Variants in PPP1R9A observed in about 807,000 individuals in gnomAD.
PPP1R9A encodes the protein neurabin-1.
In PPP1R9A, 59 loss-of-function variants were observed where a neutral mutation model predicts 141.9. The observed-to-expected ratio is 0.42, with a 90% CI of 0.34 to 0.52. The LOEUF (loss-of-function observed/expected upper bound fraction) is 0.52. Among genes scored for constraint, PPP1R9A ranks in the 20% least tolerant of loss-of-function variants. PPP1R9A has a pLI of 0.10. For synonymous variants in PPP1R9A, 500 were observed against 569.7 expected, an observed-to-expected ratio of 0.88 and a Z score of 1.74; for missense variants, 1,444 against 1,611.9, an observed-to-expected ratio of 0.90 and a Z score of 1.78.
chr7:95,243,964 C>T (rs1427689425), intron 8 of PPP1R9A, among the ~76,000 whole-genome samples: 1 of 151,994 alleles, frequency 6.6e-6, no homozygotes, highest in Non-Finnish European at 1.5e-5. Context: ...CTATATAAAA[C>T]AAAAAGGGTT....
At chr7:95,049,776 T>C (rs910525043) in intron 2 of PPP1R9A, among the ~76,000 whole-genome samples, 1 of 152,250 alleles carries the variant, frequency 6.6e-6, no homozygotes, top group Non-Finnish European at 1.5e-5. Flanking sequence ...TTTTGTAGTA[T>C]ACAACCTTTC....
intron 2 of PPP1R9A, among the ~76,000 whole-genome samples, chr7:94,969,606 A>G (rs955756514): frequency 2.0e-4 from 31 of 152,214 alleles, no homozygotes; most frequent in African/African-American, 7.0e-4. Flanking sequence ...GTGTCTCCCA[A>G]TCAGGAGGTA....
At chr7:95,051,843 A>ATT (rs11289749) in intron 2 of PPP1R9A, among the ~76,000 whole-genome samples, 6 of 137,470 alleles carry the variant, frequency 4.4e-5, no homozygotes, top group African/African-American at 1.1e-4. Context: ...TTTTATTTTA[A>ATT]TTTTTTTTTT....
At chr7:95,008,414 G>T (rs887272686) in intron 2 of PPP1R9A, among the ~76,000 whole-genome samples, 1 of 152,192 alleles carries the variant, frequency 6.6e-6, no homozygotes, top group African/African-American at 2.4e-5. Flanking sequence ...AACAATGGAT[G>T]AAGGAATCAG....
At chr7:95,222,612 C>T (rs2152945991) in intron 7 of PPP1R9A, among the ~76,000 whole-genome samples, 1 of 152,068 alleles carries the variant, frequency 6.6e-6, no homozygotes, top group Admixed American at 6.6e-5. Flanking sequence ...CTGTTACTGC[C>T]ACATTTGAAG....
intron 4 of PPP1R9A, among the ~76,000 whole-genome samples, chr7:95,151,840 A>G (rs1828729666): frequency 6.6e-6 from 1 of 151,564 alleles, no homozygotes; most frequent in Admixed American, 6.6e-5. Flanking sequence ...CAGGTAGGAG[A>G]AGGGTAATGT....
At chr7:95,254,225 A>G (rs1182077140) in intron 12 of PPP1R9A, among the ~76,000 whole-genome samples, 1 of 152,192 alleles carries the variant, frequency 6.6e-6, no homozygotes, top group Non-Finnish European at 1.5e-5. Context: ...CATTAGTAGC[A>G]TACATATCAA....
At chr7:95,110,859 A>G (rs907421286) in intron 2 of PPP1R9A, among the ~76,000 whole-genome samples, 1 of 152,196 alleles carries the variant, frequency 6.6e-6, no homozygotes, top group East Asian at 1.9e-4. Flanking sequence ...CAGGGCTAGT[A>G]TAGGTCATAC....
intron 2 of PPP1R9A, among the ~76,000 whole-genome samples, chr7:95,047,672 A>G (rs144160570): frequency 2.9e-4 from 44 of 152,216 alleles, no homozygotes; most frequent in African/African-American, 8.9e-4. Flanking sequence ...AATGGCCTTA[A>G]ATTTTCCATT....
intron 6 of PPP1R9A, among the ~76,000 whole-genome samples, chr7:95,199,196 C>A (rs1788981870): frequency 6.6e-6 from 1 of 152,152 alleles, no homozygotes; most frequent in Non-Finnish European, 1.5e-5. Context: ...TTTCTAATGT[C>A]TTTGAAATGT....
At chr7:95,256,903 A>C (rs1447045347) in intron 12 of PPP1R9A, among the ~76,000 whole-genome samples, 2 of 152,200 alleles carry the variant, frequency 1.3e-5, no homozygotes, top group Admixed American at 6.6e-5. Context: ...AAAGATCTCA[A>C]GACCCATGGA....
chr7:95,072,836 AAT>A (rs1563197304), intron 2 of PPP1R9A, among the ~76,000 whole-genome samples: 6 of 55,036 alleles, frequency 1.1e-4, no homozygotes, highest in African/African-American at 6.6e-4. Context: ...TATATATAAT[AAT>A]TATTATATAT....
chr7:95,250,262 C>G lies in PPP1R9A; in HGVS notation c.2396+7C>G. ...TCAAGGATTTTCAACAAAAGTAAGC[C>G]GCTTCTAATAACTAAAGAATAGTTA... On this transcript the variant is annotated splice_region_variant and intron_variant, in intron 10 of 19. Transcript: ENST00000433360. The G allele has an allele frequency of 1.3e-6, 2 of 1,592,908 alleles. No homozygotes were observed. Among genetic ancestry groups the G allele is most frequent in the Non-Finnish European group, 1.7e-6 (2 of 1,168,814 alleles).
chr7:95,157,522 AC>A (rs1829824860), intron 4 of PPP1R9A, among the ~76,000 whole-genome samples: 2 of 152,108 alleles, frequency 1.3e-5, no homozygotes, highest in African/African-American at 4.8e-5. Flanking sequence ...AGAAGGGCTT[AC>A]GCTTGTCCCC....
intron 7 of PPP1R9A, among the ~76,000 whole-genome samples, chr7:95,216,503 A>G (rs538230116): frequency 1.3e-5 from 2 of 152,336 alleles, no homozygotes; most frequent in Admixed American, 6.5e-5. Flanking sequence ...TTCTGTGAAG[A>G]AAGTCATTGA....
intron 5 of PPP1R9A, among the ~76,000 whole-genome samples, chr7:95,190,788 C>T (rs1033288921): frequency 6.6e-6 from 1 of 152,164 alleles, no homozygotes; most frequent in African/African-American, 2.4e-5. Flanking sequence ...GTGGTGGTTC[C>T]TGGATTAAAA....
At chr7:95,095,188 AT>A (rs1272934564) in intron 2 of PPP1R9A, among the ~76,000 whole-genome samples, 2 of 152,150 alleles carry the variant, frequency 1.3e-5, no homozygotes, top group Non-Finnish European at 2.9e-5. Context: ...GCTGCATTTG[AT>A]TTTTTGCTTA....
chr7:95,280,602 C>T (rs1393058429), intron 16 of PPP1R9A, among the ~76,000 whole-genome samples: 10 of 152,176 alleles, frequency 6.6e-5, no homozygotes, highest in African/African-American at 9.6e-5. Context: ...AATTTGAAGC[C>T]ATTCTTTCTC....
rs73724194 is a variant in PPP1R9A at position 95,070,468 on chromosome 7, C to A, written c.1396-40791C>A. Among the ~76,000 whole-genome samples the A allele has an allele frequency of 1.8e-3, 268 of 151,678 alleles. 1 individual carries two copies. Among genetic ancestry groups the A allele is most frequent in the African/African-American group, 6.3e-3 (260 of 41,328 alleles). ...AGCAAATTTAGGCAATTACTGAAAACCAGTGATCAAGGAAGGAAATAAACA... is the reference window on the plus strand; with the variant it reads ...AGCAAATTTAGGCAATTACTGAAAAACAGTGATCAAGGAAGGAAATAAACA... On this transcript the variant is annotated intron_variant, in intron 2 of 19. Coordinates refer to ENST00000433360, the MANE Select transcript of PPP1R9A (RefSeq NM_001166160.2).
Sources: gnomAD v4.1 joint callset for allele counts (sites outside exome capture counted in the v4.1 genomes callset) on GRCh38, gnomAD v4.1.1 for gene constraint, MANE v1.5 for transcripts, NCBI Gene and HGNC (gene_info 2026-07-23, HGNC 2026-07-21) for gene names.